Variants in VPS53 observed in about 807,000 individuals in gnomAD.
The protein encoded by VPS53 is VPS53 subunit of GARP complex, also known as vacuolar protein sorting-associated protein 53 homolog.
A neutral mutation model predicts 107.0 loss-of-function variants in VPS53; 70 were observed. The observed-to-expected ratio is 0.65, with a 90% CI of 0.54 to 0.80. The LOEUF (loss-of-function observed/expected upper bound fraction) is 0.80, where lower values mean the gene tolerates loss of function less well. Among genes scored for constraint, VPS53 ranks in the 30% least tolerant of loss-of-function variants. The pLI is 0.00. For missense variants in VPS53, 917 were observed against 1,049.4 expected (o/e 0.87, Z 1.74); for synonymous variants, 409 against 393.3 (o/e 1.04, Z -0.47).
chr17:591,375 TC>T (rs1967638547), intron 12 of VPS53, among the ~76,000 whole-genome samples: 1 of 152,230 alleles, frequency 6.6e-6, no homozygotes, highest in Non-Finnish European at 1.5e-5. Flanking sequence ...TGTCTCTATT[TC>T]CTTCAGTTCT....
At chr17:686,431 T>C (rs903157229) in intron 4 of VPS53, among the ~76,000 whole-genome samples, 37 of 152,208 alleles carry the variant, frequency 2.4e-4, no homozygotes, top group African/African-American at 7.7e-4. Context: ...TGTTGTCAAG[T>C]GGAATGTTTA....
At chr17:647,350 T>G (rs529827160) in intron 7 of VPS53, among the ~76,000 whole-genome samples, 4 of 152,372 alleles carry the variant, frequency 2.6e-5, no homozygotes, top group African/African-American at 9.6e-5. Flanking sequence ...AATGGTGAAC[T>G]CTTTGAAGGC....
chr17:631,517 A>C lies in VPS53; in HGVS notation c.687+33T>G, dbSNP rs748855497. On this transcript the variant is annotated intron_variant, in intron 8 of 21. Transcript: ENST00000437048. ...CGTGAGCTCGGCAAGGATGGTGATC[A>C]TCTCTAAAGACTGGGGAAACGCAAA... 9 of 1,606,572 alleles carry C rather than the reference A, an allele frequency of 5.6e-6. No individual in the cohort carries two copies. In the Admixed American group the frequency reaches 1.5e-4, roughly 27 times the overall value.
chr17:655,924 T>C lies in VPS53; in HGVS notation c.402A>G (p.Gln134=), dbSNP rs1179408364. ...TCAGGTGGCGTTTGGCGTGATCTAATTGCTTAATATCACGGGTGATTTCTT... is the reference window on the plus strand; with the variant it reads ...TCAGGTGGCGTTTGGCGTGATCTAACTGCTTAATATCACGGGTGATTTCTT... ...MVKEITRDIK[Q]LDHAKRHLTT... is the part of the protein sequence containing the mutation. The change falls in exon 6 of 22, where the codon CAA becomes CAG. Residue 134 remains glutamine, a synonymous_variant. Coordinates refer to ENST00000437048, the MANE Select transcript of VPS53 (RefSeq NM_001128159.3). 9 of 1,613,958 alleles carry C rather than the reference T, an allele frequency of 5.6e-6. No homozygotes were observed. The highest frequency in any genetic ancestry group is 1.6e-4 in the Middle Eastern group (1 of 6,084).
chr17:669,592 T>TAAA (rs200157618), intron 4 of VPS53, among the ~76,000 whole-genome samples: 16 of 110,268 alleles, frequency 1.5e-4, no homozygotes, highest in East Asian at 8.6e-4. Flanking sequence ...TACTCTGTCT[T>TAAA]AAAAAAAAAA....
chr17:679,732 A>G (rs946018109), intron 4 of VPS53, among the ~76,000 whole-genome samples: 2 of 152,240 alleles, frequency 1.3e-5, no homozygotes, highest in African/African-American at 4.8e-5. Context: ...TAATGGGTCA[A>G]TTGTTTCAAA....
intron 3 of VPS53, among the ~76,000 whole-genome samples, chr17:698,075 T>C (rs1461367237): frequency 1.3e-5 from 2 of 152,164 alleles, no homozygotes; most frequent in East Asian, 1.9e-4. Flanking sequence ...CCCATCTTCA[T>C]GTCTAAGCCT....
At chr17:575,505 C>T (rs1234708085) in intron 13 of VPS53, among the ~76,000 whole-genome samples, 5 of 150,550 alleles carry the variant, frequency 3.3e-5, no homozygotes, top group East Asian at 4.0e-4. Flanking sequence ...AACCTCAATG[C>T]GTTCCCAGAG....
intron 19 of VPS53, chr17:523,373 GCCT>G (rs908603399): frequency 1.3e-5 from 2 of 152,318 alleles, no homozygotes; most frequent in African/African-American, 4.8e-5. Context: ...TCAGGGCAAG[GCCT>G]GTACTCTCTG....
chr17:544,055 A>T (rs78493091), intron 17 of VPS53, among the ~76,000 whole-genome samples: 1 of 148,566 alleles, frequency 6.7e-6, no homozygotes, highest in Non-Finnish European at 1.5e-5. Context: ...GGGAGGAAGG[A>T]AGGAAAGAAG....
intron 7 of VPS53, among the ~76,000 whole-genome samples, chr17:638,554 C>T (rs931783732): frequency 5.3e-5 from 8 of 152,248 alleles, no homozygotes; most frequent in Admixed American, 5.2e-4. Context: ...TGGCTAGTAC[C>T]GGTTGTTCCT....
chr17:624,776 C>T (rs922455885), intron 10 of VPS53, among the ~76,000 whole-genome samples: 83 of 152,314 alleles, frequency 5.4e-4, no homozygotes, highest in Non-Finnish European at 1.9e-4. Flanking sequence ...AATTAGCTAA[C>T]AGTTTCTCAA....
At position 510,413 on chromosome 17, in the gene VPS53, G is replaced by A; in HGVS notation, c.*8715C>T. 4.3e-6 allele frequency: 1 copy of A among 234,948 alleles called. No individual in the cohort carries two copies. Among genetic ancestry groups the A allele is most frequent in the Non-Finnish European group, 8.7e-6 (1 of 115,128 alleles). The allele number at this position is 234,948 out of a possible 1,614,324, so 14.6% of individuals were successfully genotyped here. ...CAAATCCTGGCTTGTCCCCTTGCTAGTCACGTATCAAATCCTGGCCGACCC... is the reference window on the plus strand; with the variant it reads ...CAAATCCTGGCTTGTCCCCTTGCTAATCACGTATCAAATCCTGGCCGACCC... On this transcript the variant is annotated 3_prime_UTR_variant, in exon 22 of 22. Transcript: ENST00000437048.
intron 7 of VPS53, among the ~76,000 whole-genome samples, chr17:650,374 G>A (rs117945452): frequency 2.0e-5 from 3 of 152,108 alleles, no homozygotes; most frequent in Non-Finnish European, 4.4e-5. Flanking sequence ...GTATTTGCCT[G>A]TATTCCTGGC....
At chr17:522,819 G>C (rs1177329424) in intron 19 of VPS53, 2 of 152,204 alleles carry the variant, frequency 1.3e-5, no homozygotes, top group Non-Finnish European at 2.9e-5. Flanking sequence ...ATGACATGAG[G>C]AACGTTTTGT....
chr17:670,734 T>TCCCC (rs1971899251), intron 4 of VPS53, among the ~76,000 whole-genome samples: 1 of 152,128 alleles, frequency 6.6e-6, no homozygotes, highest in Non-Finnish European at 1.5e-5. Context: ...TAAACCGAGA[T>TCCCC]CCCCTTTGTG....
At chr17:611,579 C>T (rs924631710) in intron 11 of VPS53, among the ~76,000 whole-genome samples, 1 of 152,232 alleles carries the variant, frequency 6.6e-6, no homozygotes, top group African/African-American at 2.4e-5. Context: ...CAATTCCACT[C>T]AGGTATATTC....
chr17:525,910 T>C (rs1489376083), intron 19 of VPS53, among the ~76,000 whole-genome samples: 1 of 148,624 alleles, frequency 6.7e-6, no homozygotes, highest in Non-Finnish European at 1.5e-5. Flanking sequence ...GGCAGGAGAA[T>C]TGCTTGAACT....
chr17:706,132 T>C (rs955114395), intron 2 of VPS53: 2 of 152,196 alleles, frequency 1.3e-5, no homozygotes, highest in South Asian at 4.1e-4. Context: ...AGTTTATCAC[T>C]GTTTAGTGCC....
Sources: allele counts gnomAD v4.1 joint callset (sites outside exome capture counted in the v4.1 genomes callset), GRCh38; gene constraint gnomAD v4.1.1; transcripts MANE v1.5; gene names NCBI Gene and HGNC (gene_info 2026-07-23, HGNC 2026-07-21).